Variants in FAR2 observed in about 807,000 individuals in gnomAD.
FAR2 encodes the protein fatty acyl-CoA reductase 2.
In FAR2, 19 loss-of-function variants were observed where a neutral mutation model predicts 56.0. The observed-to-expected ratio is 0.34, with a 90% CI of 0.24 to 0.50. The LOEUF is 0.50. Ranked by LOEUF, FAR2 falls within the 20% of genes least tolerant of loss-of-function variation. The probability of loss-of-function intolerance (pLI) is 0.98; values close to 1 mark genes in which losing one functional copy is unlikely to be tolerated. For synonymous variants in FAR2, 219 were observed against 218.8 expected, an observed-to-expected ratio of 1.00 and a Z score of -0.01; for missense variants, 508 against 642.2, an observed-to-expected ratio of 0.79 and a Z score of 2.26.
At chr12:29,266,684 T>G (rs184189716) in intron 1 of FAR2, among the ~76,000 whole-genome samples, 11 of 152,246 alleles carry the variant, frequency 7.2e-5, no homozygotes, top group East Asian at 3.9e-4. Flanking sequence ...GATAAATGCT[T>G]GAGGTGATGG....
intron 1 of FAR2, among the ~76,000 whole-genome samples, chr12:29,154,688 G>GCC (rs1949712391): frequency 6.6e-6 from 1 of 152,142 alleles, no homozygotes; most frequent in African/African-American, 2.4e-5. Flanking sequence ...CTGCCTCAAA[G>GCC]TGCTGGGATT....
intron 1 of FAR2, among the ~76,000 whole-genome samples, chr12:29,269,757 C>T (rs551635178): frequency 1.1e-4 from 17 of 152,272 alleles, no homozygotes; most frequent in South Asian, 2.1e-4. Flanking sequence ...CTTGACTTCC[C>T]GCAACAATTA....
chr12:29,318,922 G>A (rs1419150037), intron 9 of FAR2, among the ~76,000 whole-genome samples: 2 of 152,110 alleles, frequency 1.3e-5, no homozygotes, highest in Non-Finnish European at 2.9e-5. Flanking sequence ...CCTCCCTAAG[G>A]AAGAGACTGT....
chr12:29,172,154 G>C (rs1949893659), intron 1 of FAR2: 1 of 149,974 alleles, frequency 6.7e-6, no homozygotes, highest in East Asian at 2.0e-4. Context: ...AATGCCCTCT[G>C]CCCGGCCACC....
intron 1 of FAR2, among the ~76,000 whole-genome samples, chr12:29,158,447 T>G (rs116218773): frequency 6.6e-6 from 1 of 152,354 alleles, no homozygotes; most frequent in Non-Finnish European, 1.5e-5. Flanking sequence ...AATGAGCAGT[T>G]TGCTTCTTTC....
At chr12:29,324,617 T>A (rs938438321) in intron 10 of FAR2, among the ~76,000 whole-genome samples, 1 of 152,140 alleles carries the variant, frequency 6.6e-6, no homozygotes, top group African/African-American at 2.4e-5. Flanking sequence ...AGAAAAGAAT[T>A]TTCAACCCAG....
In FAR2 at chr12:29,210,305, T is replaced by TAA. The variant is rs1432243467; in HGVS notation, c.-38-60106_-38-60105insAA. On this transcript the variant is annotated intron_variant, in intron 1 of 11. Coordinates refer to ENST00000536681, the MANE Select transcript of FAR2 (RefSeq NM_001271783.2). Reference sequence around the variant, plus strand: ...ACAAGCTAGACAGTTTATCAGTGTTTACTCTAAGATACTCTAATCAAGGTA... The same window carrying TAA: ...ACAAGCTAGACAGTTTATCAGTGTTTAAACTCTAAGATACTCTAATCAAGGTA... 1.5e-3 allele frequency among the ~76,000 whole-genome samples: 221 copies of TAA among 152,316 alleles called. 1 individual carries two copies. In the South Asian group the frequency reaches 0.021, roughly 15 times the overall value.
At chr12:29,150,077 C>T (rs1949670190) in intron 1 of FAR2, among the ~76,000 whole-genome samples, 1 of 152,188 alleles carries the variant, frequency 6.6e-6, no homozygotes, top group South Asian at 2.1e-4. Context: ...CATCTTCCTG[C>T]GGCCTGGGCA....
chr12:29,157,695 T>C (rs1591822280), intron 1 of FAR2, among the ~76,000 whole-genome samples: 2 of 152,296 alleles, frequency 1.3e-5, no homozygotes, highest in East Asian at 1.9e-4. Context: ...TCGTGCACTA[T>C]TTATCACAGG....
rs533153102 is a variant in FAR2, at chr12:29,184,495, C to T, written c.-39+35088C>T. On this transcript the variant is annotated intron_variant, in intron 1 of 11. Coordinates refer to ENST00000536681, the MANE Select transcript of FAR2 (RefSeq NM_001271783.2). The stretch of plus-strand genomic sequence containing the variant: ...TGTCGCCCAGGCTGGAGTGCAGTGG[C>T]GCGATCTCAGCTCACTGCAACCTCC... Among the ~76,000 whole-genome samples the T allele has an allele frequency of 1.3e-4, 17 of 129,768 alleles. No individual in the cohort carries two copies. In the South Asian group the frequency reaches 3.8e-3, roughly 29 times the overall value. 85.1% of individuals were successfully genotyped at this position (129,768 alleles called of 152,430 possible).
intron 1 of FAR2, among the ~76,000 whole-genome samples, chr12:29,256,330 G>T (rs148302068): frequency 1.8e-3 from 278 of 152,212 alleles, no homozygotes; most frequent in Admixed American, 3.3e-3. Context: ...TGAGATTACA[G>T]GCATGTGCTA....
At chr12:29,204,155 A>T (rs573445990) in intron 1 of FAR2, among the ~76,000 whole-genome samples, 18 of 152,258 alleles carry the variant, frequency 1.2e-4, no homozygotes, top group African/African-American at 4.1e-4. Context: ...CTATTTGAGT[A>T]TAGCAGCAAG....
intron 1 of FAR2, among the ~76,000 whole-genome samples, chr12:29,176,640 T>A (rs1317286658): frequency 1.3e-5 from 2 of 152,364 alleles, no homozygotes; most frequent in African/African-American, 4.8e-5. Context: ...AAGTCAAAAT[T>A]ACTCAGTGGC....
At chr12:29,188,311 C>A (rs1264967877) in intron 1 of FAR2, among the ~76,000 whole-genome samples, 3 of 152,138 alleles carry the variant, frequency 2.0e-5, no homozygotes, top group African/African-American at 7.2e-5. Flanking sequence ...CACCACCCAG[C>A]TTTTCTGCCC....
intron 1 of FAR2, among the ~76,000 whole-genome samples, chr12:29,254,145 G>A (rs1414801699): frequency 6.6e-6 from 1 of 152,166 alleles, no homozygotes; most frequent in African/African-American, 2.4e-5. Context: ...GTTCCCAACA[G>A]CTGTCCACAA....
At position 29,160,822 on chromosome 12, in the gene FAR2, AC is replaced by A. The variant is rs201321777; in HGVS notation, c.-39+11424del. 8.2e-3 allele frequency among the ~76,000 whole-genome samples: 1,188 copies of A among 145,390 alleles called. 7 individuals are homozygous for A. The highest frequency in any genetic ancestry group is 0.027 in the African/African-American group (1,065 of 39,406). ...AGACATCCATCATATGGGATTAGGGACCCCCCCCCACTCCAGTATGACCTCA... is the reference window on the plus strand; with the variant it reads ...AGACATCCATCATATGGGATTAGGGACCCCCCCCACTCCAGTATGACCTCA... On this transcript the variant is annotated intron_variant, in intron 1 of 11. Transcript: ENST00000536681.
chr12:29,189,300 T>G (rs1361259634), intron 1 of FAR2, among the ~76,000 whole-genome samples: 3 of 152,238 alleles, frequency 2.0e-5, no homozygotes, highest in Non-Finnish European at 4.4e-5. Context: ...ATCCAAATAC[T>G]ACGTTATTTA....
At chr12:29,156,397 G>A (rs948910987) in intron 1 of FAR2, 2 of 152,180 alleles carry the variant, frequency 1.3e-5, no homozygotes, top group African/African-American at 4.8e-5. Flanking sequence ...GATGGCTGGT[G>A]TTGCTAACGC....
At chr12:29,174,322 C>T (rs550245277) in intron 1 of FAR2, among the ~76,000 whole-genome samples, 4 of 151,894 alleles carry the variant, frequency 2.6e-5, no homozygotes, top group African/African-American at 9.7e-5. Context: ...ATTGATGAGC[C>T]CGGGTGCCTA....
Sources: allele counts gnomAD v4.1 joint callset (sites outside exome capture counted in the v4.1 genomes callset), GRCh38; gene constraint gnomAD v4.1.1; transcripts MANE v1.5; gene names NCBI Gene and HGNC (gene_info 2026-07-23, HGNC 2026-07-21).